Variants in DOCK1 observed in about 807,000 individuals in gnomAD.
DOCK1 encodes dedicator of cytokinesis protein 1.
A neutral mutation model predicts 262.7 loss-of-function variants in DOCK1; 138 were observed. The ratio of observed to expected loss-of-function variants is 0.53; its 90% CI spans 0.46 to 0.61. The LOEUF (loss-of-function observed/expected upper bound fraction) is 0.61. DOCK1 is among the 20% of genes least tolerant of loss of function. The pLI is 0.00. For synonymous variants in DOCK1, 866 were observed against 867.4 expected, an observed-to-expected ratio of 1.00 and a Z score of 0.03; for missense variants, 1,908 against 2,370.7, an observed-to-expected ratio of 0.80 and a Z score of 4.05.
intron 2 of DOCK1, among the ~76,000 whole-genome samples, chr10:126,976,923 T>C (rs2038587543): frequency 6.6e-6 from 1 of 152,164 alleles, no homozygotes; most frequent in African/African-American, 2.4e-5. Flanking sequence ...TTATTAGAGA[T>C]GGGCTTTCAC....
At chr10:126,989,167 G>A (rs2039622964) in intron 5 of DOCK1, among the ~76,000 whole-genome samples, 1 of 152,056 alleles carries the variant, frequency 6.6e-6, no homozygotes, top group South Asian at 2.1e-4. Context: ...TAGAGCAGTG[G>A]ACAAGAGAAG....
intron 23 of DOCK1, among the ~76,000 whole-genome samples, chr10:127,063,638 GAA>G (rs2045678558): frequency 6.6e-6 from 1 of 152,190 alleles, no homozygotes; most frequent in Non-Finnish European, 1.5e-5. Context: ...ATTTACTACT[GAA>G]TTCAGTGGCA....
chr10:127,335,425 G>C (rs921458101), intron 29 of DOCK1, among the ~76,000 whole-genome samples: 1 of 152,182 alleles, frequency 6.6e-6, no homozygotes, highest in African/African-American at 2.4e-5. Flanking sequence ...GGCTTAGCTT[G>C]CAATCCTTCT....
At chr10:127,041,573 G>T (rs556838053) in intron 19 of DOCK1, among the ~76,000 whole-genome samples, 1 of 152,310 alleles carries the variant, frequency 6.6e-6, no homozygotes, top group South Asian at 2.1e-4. Context: ...TGGAGAGATG[G>T]CCAGGAATGA....
intron 46 of DOCK1, among the ~76,000 whole-genome samples, chr10:127,421,404 C>T (rs1312899387): frequency 6.6e-6 from 1 of 152,016 alleles, no homozygotes; most frequent in Non-Finnish European, 1.5e-5. Flanking sequence ...ATTCTAAGTG[C>T]TTATACTGAT....
intron 1 of DOCK1, among the ~76,000 whole-genome samples, chr10:126,911,707 G>A (rs547435053): frequency 1.3e-5 from 2 of 152,292 alleles, no homozygotes; most frequent in Middle Eastern, 3.4e-3. Flanking sequence ...TTTAAGCAGC[G>A]ATGTTCTGGA....
At chr10:126,915,968 G>A (rs1481406640) in intron 1 of DOCK1, among the ~76,000 whole-genome samples, 1 of 152,222 alleles carries the variant, frequency 6.6e-6, no homozygotes, top group African/African-American at 2.4e-5. Flanking sequence ...TCTTGTCTAT[G>A]AGTATGTATG....
chr10:127,439,282 C>T lies in DOCK1; in HGVS notation c.5259+57C>T, dbSNP rs1393261899. On this transcript the variant is annotated intron_variant, in intron 49 of 51. Transcript: ENST00000623213. ...CGGTAGCTTCAGGGACCTACCTTTG[C>T]CCCACCTGTAGCCAACAGGGCTGAC... 6.5e-6 allele frequency: 10 copies of T among 1,540,372 alleles called. No individual in the cohort carries two copies. In the South Asian group the frequency reaches 8.5e-5, roughly 13 times the overall value.
At position 127,287,769 on chromosome 10, in the gene DOCK1, A is replaced by G. The variant is rs991236186; in HGVS notation, c.3044+30340A>G. On this transcript the variant is annotated intron_variant, in intron 29 of 51. Coordinates refer to ENST00000623213, the MANE Select transcript of DOCK1 (RefSeq NM_001290223.2). ...AGCACATCATGTTTTTCTGTCTCTTATAACGTGAAGATTGATTAGTGGCAT... is the reference window on the plus strand; with the variant it reads ...AGCACATCATGTTTTTCTGTCTCTTGTAACGTGAAGATTGATTAGTGGCAT... 2.8e-5 allele frequency among the ~76,000 whole-genome samples: 4 copies of G among 142,110 alleles called. 1 individual carries two copies. The South Asian group carries it at 8.7e-4, about 31-fold the overall frequency. 93.2% of individuals were successfully genotyped at this position (142,110 alleles called of 152,430 possible). A position where few individuals can be genotyped will look rare whatever the true frequency, so the allele number is the denominator to read the frequency against.
At chr10:127,316,301 A>AT (rs1196656907) in intron 29 of DOCK1, among the ~76,000 whole-genome samples, 7 of 152,148 alleles carry the variant, frequency 4.6e-5, no homozygotes, top group African/African-American at 1.7e-4. Context: ...TTTAACTTAT[A>AT]TCTGCCCATT....
intron 27 of DOCK1, among the ~76,000 whole-genome samples, chr10:127,170,269 C>T (rs1319827047): frequency 2.6e-5 from 4 of 152,258 alleles, no homozygotes; most frequent in East Asian, 1.9e-4. Flanking sequence ...AGTCACAAAG[C>T]CCCGAAGCCT....
At chr10:126,914,388 A>C (rs981008807) in intron 1 of DOCK1, among the ~76,000 whole-genome samples, 3 of 151,766 alleles carry the variant, frequency 2.0e-5, no homozygotes, top group Non-Finnish European at 4.4e-5. Context: ...GATTTGTTTC[A>C]GTTTTAAATT....
intron 46 of DOCK1, among the ~76,000 whole-genome samples, chr10:127,420,553 C>T (rs564832737): frequency 6.6e-6 from 1 of 152,210 alleles, no homozygotes; most frequent in East Asian, 1.9e-4. Context: ...GAGGTGGGGG[C>T]AAAGGCCTGC....
At chr10:127,004,745 T>G (rs1591612338) in intron 10 of DOCK1, among the ~76,000 whole-genome samples, 4 of 111,738 alleles carry the variant, frequency 3.6e-5, no homozygotes, top group African/African-American at 6.5e-5. Flanking sequence ...AGTCATCCTG[T>G]CCCCCCCAAC....
At chr10:127,361,638 GCT>G (rs1238908129) in intron 32 of DOCK1, among the ~76,000 whole-genome samples, 4 of 152,100 alleles carry the variant, frequency 2.6e-5, no homozygotes, top group Admixed American at 1.3e-4. Flanking sequence ...GAGACTATCT[GCT>G]CTCTCTCATT....
intron 23 of DOCK1, among the ~76,000 whole-genome samples, chr10:127,063,803 T>A (rs193058785): frequency 1.0e-3 from 157 of 152,340 alleles, no homozygotes; most frequent in Non-Finnish European, 8.8e-4. Flanking sequence ...GAAGTCAGAT[T>A]ACTTAGTGAC....
At chr10:127,077,899 A>AG (rs778171972) in intron 23 of DOCK1, among the ~76,000 whole-genome samples, 10 of 151,026 alleles carry the variant, frequency 6.6e-5, no homozygotes, top group Non-Finnish European at 1.5e-4. Flanking sequence ...CATTCCATGG[A>AG]GGGGCAGGAG....
chr10:127,421,711 G>A (rs530457496), intron 46 of DOCK1, among the ~76,000 whole-genome samples: 1 of 152,284 alleles, frequency 6.6e-6, no homozygotes, highest in East Asian at 1.9e-4. Flanking sequence ...TTATATGAGT[G>A]GAATCATGTA....
At chr10:127,382,657 A>G (rs903878625) in intron 37 of DOCK1, among the ~76,000 whole-genome samples, 4 of 152,146 alleles carry the variant, frequency 2.6e-5, no homozygotes, top group Non-Finnish European at 5.9e-5. Flanking sequence ...CAAAACTCAA[A>G]TTTCAGTAGC....
Sources: allele counts gnomAD v4.1 joint callset (sites outside exome capture counted in the v4.1 genomes callset), GRCh38; gene constraint gnomAD v4.1.1; transcripts MANE v1.5; gene names NCBI Gene and HGNC (gene_info 2026-07-23, HGNC 2026-07-21).